Variants in MGAT4C observed in about 807,000 individuals in gnomAD.
The protein encoded by MGAT4C is MGAT4 family member C.
In MGAT4C, 19 loss-of-function variants were observed where a neutral mutation model predicts 40.1. That is an observed-to-expected ratio of 0.47 (90% CI 0.33 to 0.70). The LOEUF (loss-of-function observed/expected upper bound fraction) is 0.70. Ranked by LOEUF, MGAT4C falls within the 30% of genes least tolerant of loss-of-function variation. The probability of loss-of-function intolerance (pLI) is 0.02; values close to 1 mark genes in which losing one functional copy is unlikely to be tolerated. For missense variants in MGAT4C, 491 were observed against 563.2 expected, an observed-to-expected ratio of 0.87 and a Z score of 1.30; for synonymous variants, 181 against 187.1, an observed-to-expected ratio of 0.97 and a Z score of 0.27.
chr12:86,328,307 C>T (rs2136170305), intron 4 of MGAT4C, among the ~76,000 whole-genome samples: 1 of 152,108 alleles, frequency 6.6e-6, no homozygotes, highest in Non-Finnish European at 1.5e-5. Flanking sequence ...TGTGATTCAA[C>T]ATTGTAATAG....
chr12:86,827,997 AT>A (rs572401020), intron 1 of MGAT4C, among the ~76,000 whole-genome samples: 4 of 151,284 alleles, frequency 2.6e-5, no homozygotes, highest in African/African-American at 4.8e-5. Context: ...ATATATACCC[AT>A]TTTTTTCATT....
At chr12:86,735,777 C>T (rs1950976430) in intron 1 of MGAT4C, among the ~76,000 whole-genome samples, 1 of 151,832 alleles carries the variant, frequency 6.6e-6, no homozygotes, top group African/African-American at 2.4e-5. Context: ...TGTTCATCCT[C>T]CCACCACCTA....
chr12:86,661,711 T>C (rs1207639806), intron 2 of MGAT4C, among the ~76,000 whole-genome samples: 1 of 152,070 alleles, frequency 6.6e-6, no homozygotes, highest in Non-Finnish European at 1.5e-5. Context: ...TTTGAGAGGC[T>C]GAGGTTGGTG....
chr12:86,549,432 G>A (rs551652525), intron 2 of MGAT4C, among the ~76,000 whole-genome samples: 1 of 152,248 alleles, frequency 6.6e-6, no homozygotes, highest in South Asian at 2.1e-4. Flanking sequence ...TTAATTGCTT[G>A]TTATACCTAT....
intron 4 of MGAT4C, among the ~76,000 whole-genome samples, chr12:86,321,391 G>C (rs1019253299): frequency 6.6e-6 from 1 of 151,966 alleles, no homozygotes; most frequent in African/African-American, 2.4e-5. Context: ...TTTACACTTG[G>C]ATGAAGATAT....
rs1476123139 is a variant in MGAT4C at position 86,409,222 on chromosome 12, T to C, written c.-120+25935A>G. 3.9e-5 allele frequency among the ~76,000 whole-genome samples: 6 copies of C among 152,176 alleles called. No homozygotes were observed. The East Asian group carries it at 1.2e-3, about 29-fold the overall frequency. ...GGTTTATTCATTGGGCCAACCAAAT[T>C]TTATCAAATAAATGATATGTTTTAG... On this transcript the variant is annotated intron_variant, in intron 3 of 7. Transcript: ENST00000548651.
chr12:86,292,668 G>A (rs551320555), intron 4 of MGAT4C, among the ~76,000 whole-genome samples: 3 of 152,182 alleles, frequency 2.0e-5, no homozygotes, highest in South Asian at 4.1e-4. Context: ...TGCGTTCCAC[G>A]AAAACTGCTG....
chr12:86,254,123 CATTT>C lies in MGAT4C; in HGVS notation c.-57+2112_-57+2115del, dbSNP rs565574086. 9.1e-4 allele frequency among the ~76,000 whole-genome samples: 138 copies of C among 152,066 alleles called. 1 individual carries two copies. Among genetic ancestry groups the C allele is most frequent in the African/African-American group, 3.2e-3 (133 of 41,542 alleles). Reference sequence around the variant, plus strand: ...GGGCAGTACAAGTAACATCACACATCATTTATTTATGTCACCCTGTACTGGGAAG... The same window carrying C: ...GGGCAGTACAAGTAACATCACACATCATTTATGTCACCCTGTACTGGGAAG... On this transcript the variant is annotated intron_variant, in intron 1 of 4. Coordinates refer to ENST00000611864, the MANE Select transcript of MGAT4C (RefSeq NM_001351288.2).
chr12:86,467,996 A>G (rs1399093229), intron 2 of MGAT4C, among the ~76,000 whole-genome samples: 2 of 152,152 alleles, frequency 1.3e-5, no homozygotes, highest in South Asian at 2.1e-4. Context: ...CAATGCTTCT[A>G]TCCTCTACCT....
chr12:86,453,748 T>A (rs953876199), intron 2 of MGAT4C, among the ~76,000 whole-genome samples: 1 of 152,060 alleles, frequency 6.6e-6, no homozygotes, highest in African/African-American at 2.4e-5. Flanking sequence ...AATAAGATAA[T>A]TATTCTTATG....
intron 2 of MGAT4C, among the ~76,000 whole-genome samples, chr12:86,675,611 C>T (rs897104982): frequency 7.2e-5 from 11 of 152,160 alleles, no homozygotes; most frequent in African/African-American, 2.7e-4. Flanking sequence ...GCTCACACAC[C>T]ATTCTAGGAT....
At chr12:86,267,204 C>T (rs1387185631) in intron 4 of MGAT4C, among the ~76,000 whole-genome samples, 2 of 151,884 alleles carry the variant, frequency 1.3e-5, no homozygotes, top group East Asian at 3.9e-4. Flanking sequence ...AATTTGTAAT[C>T]TTTCTACTTT....
chr12:86,380,189 C>T (rs1279321352), intron 3 of MGAT4C, among the ~76,000 whole-genome samples: 1 of 152,042 alleles, frequency 6.6e-6, no homozygotes, highest in African/African-American at 2.4e-5. Context: ...CATCACAATA[C>T]ACATTCTTTC....
chr12:86,759,511 T>C (rs1054525194), intron 1 of MGAT4C, among the ~76,000 whole-genome samples: 1 of 152,156 alleles, frequency 6.6e-6, no homozygotes, highest in Non-Finnish European at 1.5e-5. Context: ...AAGAAGTACA[T>C]AAAGTTCCCT....
At position 85,968,724 on chromosome 12, in the gene MGAT4C, T is replaced by C. The variant is rs1204517469; in HGVS notation, c.*10565A>G. Reference sequence around the variant, plus strand: ...TCACTTAGGAAGAATTTTAAAAGTATGCTGATGCCTGGAAACTCCAGAACA... The same window carrying C: ...TCACTTAGGAAGAATTTTAAAAGTACGCTGATGCCTGGAAACTCCAGAACA... On this transcript the variant is annotated 3_prime_UTR_variant, in exon 5 of 5. Coordinates refer to ENST00000611864, the MANE Select transcript of MGAT4C (RefSeq NM_001351288.2). The C allele has an allele frequency of 6.6e-6, 1 of 152,058 alleles. No homozygotes were observed. The highest frequency in any genetic ancestry group is 1.5e-5 in the Non-Finnish European group (1 of 67,866). The allele number at this position is 152,058 out of a possible 1,614,324, so 9.4% of individuals were successfully genotyped here.
chr12:85,998,262 C>T (rs1377126912), intron 2 of MGAT4C, among the ~76,000 whole-genome samples: 2 of 152,144 alleles, frequency 1.3e-5, no homozygotes, highest in African/African-American at 4.8e-5. Flanking sequence ...TGGGTCTCAC[C>T]TATGAAACCA....
intron 2 of MGAT4C, among the ~76,000 whole-genome samples, chr12:86,047,383 CAT>C (rs1191198922): frequency 4.6e-5 from 7 of 152,050 alleles, no homozygotes; most frequent in African/African-American, 1.2e-4. Flanking sequence ...CATACACACA[CAT>C]GTGTATGTAC....
intron 1 of MGAT4C, among the ~76,000 whole-genome samples, chr12:86,087,606 T>C (rs187211894): frequency 2.0e-5 from 3 of 152,102 alleles, no homozygotes. Context: ...CTAGGAGCTT[T>C]TAGGCTGAGA....
chr12:86,612,175 A>G (rs1962303548), intron 2 of MGAT4C, among the ~76,000 whole-genome samples: 1 of 152,090 alleles, frequency 6.6e-6, no homozygotes, highest in Admixed American at 6.5e-5. Context: ...AAGAACTTGC[A>G]TGCATGATAC....
Sources: gnomAD v4.1 joint callset for allele counts (sites outside exome capture counted in the v4.1 genomes callset) on GRCh38, gnomAD v4.1.1 for gene constraint, MANE v1.5 for transcripts, NCBI Gene and HGNC (gene_info 2026-07-23, HGNC 2026-07-21) for gene names.